CARD6: variants seen among roughly 807,000 people sequenced by gnomAD.
CARD6 encodes caspase recruitment domain family member 6, also known as caspase recruitment domain-containing protein 6.
CARD6 carries 27 observed loss-of-function variants against 23.6 expected under a neutral mutation model. The observed-to-expected ratio is 1.14, with a 90% CI of 0.84 to 1.58. The LOEUF (loss-of-function observed/expected upper bound fraction) is 1.58, where lower values mean the gene tolerates loss of function less well. CARD6 is among the 40% of genes most tolerant of loss of function. CARD6 has a pLI of 0.00. For synonymous variants in CARD6, 397 were observed against 431.8 expected, an observed-to-expected ratio of 0.92 and a Z score of 1.00; for missense variants, 1,214 against 1,209.9, an observed-to-expected ratio of 1.00 and a Z score of -0.05.
chr5:40,852,334 A>C lies in CARD6; in HGVS notation c.1002A>C (p.Gln334His). 1 of 1,614,194 alleles carries C rather than the reference A, an allele frequency of 6.2e-7. No individual in the cohort carries two copies. Among genetic ancestry groups the C allele is most frequent in the African/African-American group, 1.3e-5 (1 of 75,064 alleles). Residue 334 changes from glutamine to histidine, a missense_variant, in exon 3 of 3, where the codon CAA becomes CAC. Transcript: ENST00000254691. ...DLAWNFLMKV[Q>H]ARDVTARDSI... ...CCTGGAATTTCCTGATGAAAGTTCAAGCACGAGATGTGACGGCTAGGGATT... is the reference window on the plus strand; with the variant it reads ...CCTGGAATTTCCTGATGAAAGTTCACGCACGAGATGTGACGGCTAGGGATT...
chr5:40,847,275 G>A (rs973300972), intron 2 of CARD6, among the ~76,000 whole-genome samples: 6 of 152,212 alleles, frequency 3.9e-5, no homozygotes, highest in Non-Finnish European at 7.3e-5. Context: ...AAATATCACA[G>A]TGTCACAGTC....
chr5:40,850,159 A>C lies in CARD6; in HGVS notation c.842-2015A>C, dbSNP rs1316214866. Reference sequence around the variant, plus strand: ...GCCAGGTGCGGTGGCTAACGCCTGTAATCCCAGGACTTTGGGAGGCCGAGG... The same window carrying C: ...GCCAGGTGCGGTGGCTAACGCCTGTCATCCCAGGACTTTGGGAGGCCGAGG... On this transcript the variant is annotated intron_variant, in intron 2 of 2. Transcript: ENST00000254691. Among the ~76,000 whole-genome samples the C allele has an allele frequency of 3.3e-5, 5 of 152,050 alleles. 1 individual carries two copies. The highest frequency in any genetic ancestry group is 7.4e-5 in the Non-Finnish European group (5 of 68,010).
chr5:40,853,311 A>G lies in CARD6; in HGVS notation c.1979A>G (p.Asp660Gly), dbSNP rs1486907789. The change falls in exon 3 of 3, where the codon GAC becomes GGC. Residue 660 changes from aspartate to glycine, a missense_variant. Transcript: ENST00000254691. Reference protein sequence around the residue: ...ARELGIQVDEDFENTQRIQVS... With the variant: ...ARELGIQVDEGFENTQRIQVS... The stretch of plus-strand genomic sequence containing the variant: ...GAGCTGGGGATTCAGGTAGATGAAG[A>G]CTTTGAAAACACTCAGAGAATTCAA... 6.2e-7 allele frequency: 1 copy of G among 1,614,166 alleles called. No homozygotes were observed. The highest frequency in any genetic ancestry group is 1.7e-5 in the Admixed American group (1 of 60,026).
At chr5:40,846,967 T>C (rs1745977161) in intron 2 of CARD6, among the ~76,000 whole-genome samples, 1 of 152,232 alleles carries the variant, frequency 6.6e-6, no homozygotes, top group Non-Finnish European at 1.5e-5. Context: ...CAAGTTCTAC[T>C]TCTTGCAAAA....
Position 40,852,332 on chromosome 5 carries a change from C to G in CARD6, c.1000C>G (p.Gln334Glu). 6.2e-7 allele frequency: 1 copy of G among 1,614,100 alleles called. No individual in the cohort carries two copies. The highest frequency in any genetic ancestry group is 8.5e-7 in the Non-Finnish European group (1 of 1,180,018). Reference sequence around the variant, plus strand: ...AGCCTGGAATTTCCTGATGAAAGTTCAAGCACGAGATGTGACGGCTAGGGA... The same window carrying G: ...AGCCTGGAATTTCCTGATGAAAGTTGAAGCACGAGATGTGACGGCTAGGGA... ...DLAWNFLMKV[Q>E]ARDVTARDSI... Residue 334 changes from glutamine to glutamate, a missense_variant, in exon 3 of 3, where the codon CAA (glutamine) becomes GAA (glutamate). Gln to Glu is a conservative substitution (Grantham distance 29). Coordinates refer to ENST00000254691, the MANE Select transcript of CARD6 (RefSeq NM_032587.4).
intron 2 of CARD6, among the ~76,000 whole-genome samples, chr5:40,851,558 A>T (rs1746067625): frequency 6.6e-6 from 1 of 151,474 alleles, no homozygotes; most frequent in Admixed American, 6.6e-5. Flanking sequence ...GTAGGGGCTT[A>T]TGTCTATCCT....
In CARD6 at chr5:40,853,800, G is replaced by C; in HGVS notation, c.2468G>C (p.Cys823Ser). The change falls in exon 3 of 3, where the codon TGT (cysteine) becomes TCT (serine). Residue 823 changes from cysteine (C) to serine (S), a missense_variant. Coordinates refer to ENST00000254691, the MANE Select transcript of CARD6 (RefSeq NM_032587.4). ...GTFGRLPRPI[C>S]QHVQACPERP... is the part of the protein sequence containing the mutation. ...TTTGGGAGACTGCCAAGACCCATTT[G>C]TCAGCATGTACAGGCCTGCCCTGAG... The C allele has an allele frequency of 6.2e-7, 1 of 1,614,210 alleles. No homozygotes were observed. The highest frequency in any genetic ancestry group is 8.5e-7 in the Non-Finnish European group (1 of 1,180,044).
chr5:40,841,434 T>G lies in CARD6; in HGVS notation c.52T>G (p.Leu18Val). Reference protein sequence around the residue: ...SEIIERERKKLLEILQHDPDS... With the variant: ...SEIIERERKKVLEILQHDPDS... Reference sequence around the variant, plus strand: ...GATCATAGAAAGAGAAAGAAAAAAGTTGCTTGAAATCCTTCAACATGATCC... The same window carrying G: ...GATCATAGAAAGAGAAAGAAAAAAGGTGCTTGAAATCCTTCAACATGATCC... The change falls in exon 1 of 3, where the codon TTG (leucine) becomes GTG (valine). Residue 18 changes from leucine to valine, a missense_variant. Leu to Val is a conservative substitution (Grantham distance 32). Coordinates refer to ENST00000254691, the MANE Select transcript of CARD6 (RefSeq NM_032587.4). 1 of 1,612,778 alleles carries G rather than the reference T, an allele frequency of 6.2e-7. No homozygotes were observed. Among genetic ancestry groups the G allele is most frequent in the South Asian group, 1.1e-5 (1 of 90,924 alleles).
chr5:40,848,421 G>A (rs187171779), intron 2 of CARD6, among the ~76,000 whole-genome samples: 1 of 151,990 alleles, frequency 6.6e-6, no homozygotes, highest in Non-Finnish European at 1.5e-5. Context: ...TCACGATGTT[G>A]CCCAGGCTGG....
At position 40,852,714 on chromosome 5, in the gene CARD6, G is replaced by T. The variant is rs778638881; in HGVS notation, c.1382G>T (p.Gly461Val). The change falls in exon 3 of 3, where the codon GGA becomes GTA. Residue 461 changes from glycine to valine, a missense_variant. Gly to Val is a moderately radical substitution (Grantham distance 109). Coordinates refer to ENST00000254691, the MANE Select transcript of CARD6 (RefSeq NM_032587.4). Reference protein sequence around the residue: ...KMPVISFVRLGYCSFSKSRIL... With the variant: ...KMPVISFVRLVYCSFSKSRIL... ...CCTGTCATCTCTTTTGTGCGTCTAGGATACTGTAGCTTCTCTAAGTCCAGA... is the reference window on the plus strand; with the variant it reads ...CCTGTCATCTCTTTTGTGCGTCTAGTATACTGTAGCTTCTCTAAGTCCAGA... 1.1e-5 allele frequency: 17 copies of T among 1,613,712 alleles called. No homozygotes were observed. In the Admixed American group the frequency reaches 2.5e-4, roughly 24 times the overall value.
intron 1 of CARD6, among the ~76,000 whole-genome samples, 180 bp from the exon 2 acceptor site, chr5:40,842,972 A>G (rs918519809): frequency 2.6e-5 from 4 of 152,238 alleles, no homozygotes; most frequent in African/African-American, 9.6e-5. Context: ...CGGGAGGTTG[A>G]GGTTGCAGTG....
At chr5:40,848,879 C>T (rs1199659353) in intron 2 of CARD6, among the ~76,000 whole-genome samples, 1 of 152,052 alleles carries the variant, frequency 6.6e-6, no homozygotes, top group Non-Finnish European at 1.5e-5. Context: ...ACTTTTTTCA[C>T]CTAGCTCTGT....
At chr5:40,847,839 A>T (rs1252176002) in intron 2 of CARD6, among the ~76,000 whole-genome samples, 1 of 151,562 alleles carries the variant, frequency 6.6e-6, no homozygotes, top group Non-Finnish European at 1.5e-5. Context: ...GAGTTTCCTG[A>T]ATCTATACAA....
At chr5:40,842,849 C>T (rs1253969980) in intron 1 of CARD6, among the ~76,000 whole-genome samples, 6 of 152,074 alleles carry the variant, frequency 3.9e-5, no homozygotes, top group Non-Finnish European at 8.8e-5. Context: ...ACCAGCCTGA[C>T]CAACATAGTG....
At chr5:40,849,669 T>C (rs1424173150) in intron 2 of CARD6, among the ~76,000 whole-genome samples, 1 of 152,160 alleles carries the variant, frequency 6.6e-6, no homozygotes, top group Non-Finnish European at 1.5e-5. Context: ...TTATGTACTA[T>C]CTCTGTATTT....
chr5:40,849,936 C>T (rs554482310), intron 2 of CARD6, among the ~76,000 whole-genome samples: 1 of 151,490 alleles, frequency 6.6e-6, no homozygotes, highest in East Asian at 2.0e-4. Flanking sequence ...GCTGAGATTG[C>T]ACCACTGCAC....
At chr5:40,842,440 T>G (rs1286434823) in intron 1 of CARD6, among the ~76,000 whole-genome samples, 2 of 152,250 alleles carry the variant, frequency 1.3e-5, no homozygotes, top group Non-Finnish European at 2.9e-5. Context: ...TAAAGCACAC[T>G]ATTCCAAATA....
intron 2 of CARD6, among the ~76,000 whole-genome samples, chr5:40,849,066 G>A (rs1746013711): frequency 6.6e-6 from 1 of 151,790 alleles, no homozygotes; most frequent in South Asian, 2.1e-4. Context: ...TTGGCTCACT[G>A]CAACCCTGCA....
rs1423575439 is a variant in CARD6, at chr5:40,841,790, T to C, written c.283+125T>C. 6.1e-6 allele frequency: 5 copies of C among 819,822 alleles called. No individual in the cohort carries two copies. In the East Asian group the frequency reaches 1.3e-4, roughly 22 times the overall value. The allele number at this position is 819,822 out of a possible 1,614,324, so 50.8% of individuals were successfully genotyped here. A position where few individuals can be genotyped will look rare whatever the true frequency, so the allele number is the denominator to read the frequency against. On this transcript the variant is annotated intron_variant, in intron 1 of 2. Coordinates refer to ENST00000254691, the MANE Select transcript of CARD6 (RefSeq NM_032587.4). The stretch of plus-strand genomic sequence containing the variant: ...AGTCTTTTTCTGGAGATAATTTTCA[T>C]TGAAATATGAAATAGGGAAAAACTG...
Sources: gnomAD v4.1 joint callset for allele counts (sites outside exome capture counted in the v4.1 genomes callset) on GRCh38, gnomAD v4.1.1 for gene constraint, MANE v1.5 for transcripts, NCBI Gene and HGNC (gene_info 2026-07-23, HGNC 2026-07-21) for gene names.